ATP8B3: variants seen among roughly 807,000 people sequenced by gnomAD.
ATP8B3 encodes the protein ATPase phospholipid transporting 8B3, also known as phospholipid-transporting ATPase IK.
ATP8B3 carries 141 observed loss-of-function variants against 140.9 expected under a neutral mutation model. The ratio of observed to expected loss-of-function variants is 1.00; its 90% CI spans 0.87 to 1.15. The LOEUF (loss-of-function observed/expected upper bound fraction) is 1.15, where lower values mean the gene tolerates loss of function less well. Among genes scored for constraint, ATP8B3 ranks in the 50% most tolerant of loss-of-function variants. The pLI is 0.00. For synonymous variants in ATP8B3, 765 were observed against 714.6 expected (o/e 1.07, Z -1.13); for missense variants, 1,874 against 1,740.6 (o/e 1.08, Z -1.36).
At position 1,806,350 on chromosome 19, in the gene ATP8B3, C is replaced by T; in HGVS notation, c.678-181G>A. 6 of 1,459,230 alleles carry T rather than the reference C, an allele frequency of 4.1e-6. No individual in the cohort carries two copies. Among genetic ancestry groups the T allele is most frequent in the Non-Finnish European group, 5.4e-6 (6 of 1,111,944 alleles). 90.4% of individuals were successfully genotyped at this position (1,459,230 alleles called of 1,614,324 possible). On this transcript the variant is annotated intron_variant, in intron 7 of 28. Coordinates refer to ENST00000310127, the MANE Select transcript of ATP8B3 (RefSeq NM_138813.4). The surrounding 1 kb of genome is among the most constrained non-coding windows in gnomAD (Gnocchi z 5.6). ...CTCCCCGCGGGTCCACGCTCCCACC[C>T]AGTGACCTCCAGGGTCCTGCACCCA...
chr19:1,799,806 C>G, intron 14 of ATP8B3, 141 bp downstream of exon 14: 2 of 890,448 alleles, frequency 2.2e-6, no homozygotes, highest in Non-Finnish European at 3.4e-6. Context: ...CAAAGGAAAC[C>G]AGGCCATCTG....
chr19:1,804,524 C>T lies in ATP8B3; in HGVS notation c.904+850G>A, dbSNP rs374868396. Among the ~76,000 whole-genome samples the T allele has an allele frequency of 8.5e-5, 13 of 152,118 alleles. No homozygotes were observed. The East Asian group carries it at 1.7e-3, about 20-fold the overall frequency. The stretch of plus-strand genomic sequence containing the variant: ...TCGGAAGGCTGAGGCAGGAGAATGG[C>T]GTGAACCCAGGAGGCGGAGCTTGCA... On this transcript the variant is annotated intron_variant, in intron 10 of 28. Coordinates refer to ENST00000310127, the MANE Select transcript of ATP8B3 (RefSeq NM_138813.4).
rs540778447 is a variant in ATP8B3, at chr19:1,803,351, C to G, written c.905-706G>C. On this transcript the variant is annotated intron_variant, in intron 10 of 28. Transcript: ENST00000310127. ...CGTCTTAGGGATGGGGACCCTGACT[C>G]CATCCTGGATGCAGGAATTGGAGAC... 1.8e-3 allele frequency among the ~76,000 whole-genome samples: 267 copies of G among 152,356 alleles called. 1 individual carries two copies. The highest frequency in any genetic ancestry group is 7.5e-3 in the South Asian group (36 of 4,832).
intron 26 of ATP8B3, 74 bp from the exon 27 acceptor site, chr19:1,785,371 G>A: frequency 6.4e-7 from 1 of 1,552,762 alleles, no homozygotes; most frequent in Non-Finnish European, 8.7e-7. Flanking sequence ...TGGGGTCCAG[G>A]AAGGGCACCT....
Position 1,800,362 on chromosome 19 carries a change from G to C in ATP8B3, c.1240C>G (p.Leu414Val). ...VKEFKDHHYY[L>V]SGVHGSSVAA... ...ACGCTGCTCCCATGCACCCCCGAGA[G>C]GTAGTAGTGGTGGTCTTTGAATTCT... The change falls in exon 13 of 29, where the codon CTC becomes GTC. Residue 414 changes from leucine (L) to valine (V), a missense_variant. By Grantham distance (32) the Leu-to-Val change is conservative. Transcript: ENST00000310127. The surrounding 1 kb of genome is among the most constrained non-coding windows in gnomAD (Gnocchi z 4.4). The C allele has an allele frequency of 6.2e-7, 1 of 1,612,978 alleles. No individual in the cohort carries two copies. The highest frequency in any genetic ancestry group is 8.5e-7 in the Non-Finnish European group (1 of 1,179,856).
At chr19:1,798,582 C>A (rs2068750665) in intron 14 of ATP8B3, among the ~76,000 whole-genome samples, 1 of 151,616 alleles carries the variant, frequency 6.6e-6, no homozygotes, top group Non-Finnish European at 1.5e-5. Flanking sequence ...ATTAAAAATA[C>A]AAAAAATTAG....
intron 14 of ATP8B3, among the ~76,000 whole-genome samples, chr19:1,797,959 C>A (rs993342319): frequency 6.6e-6 from 1 of 151,746 alleles, no homozygotes; most frequent in Admixed American, 6.6e-5. Flanking sequence ...TGCATGCCAC[C>A]CCTTTGTGGT....
intron 18 of ATP8B3, among the ~76,000 whole-genome samples, chr19:1,792,447 G>A (rs949712843): frequency 2.6e-5 from 4 of 151,910 alleles, no homozygotes; most frequent in Non-Finnish European, 4.4e-5. Flanking sequence ...AGGCATGGTG[G>A]TGGGTGCCTG....
At position 1,785,713 on chromosome 19, in the gene ATP8B3, G is replaced by C. The variant is rs200978544; in HGVS notation, c.3154-5C>G. The C allele has an allele frequency of 8.9e-6, 13 of 1,463,656 alleles. No individual in the cohort carries two copies. The highest frequency in any genetic ancestry group is 1.8e-4 in the Middle Eastern group (1 of 5,530). 90.7% of individuals were successfully genotyped at this position (1,463,656 alleles called of 1,614,324 possible). On this transcript the variant is annotated splice_polypyrimidine_tract_variant and splice_region_variant and intron_variant, in intron 25 of 28. Transcript: ENST00000310127. ...GCTCTGCTCTGCGCTCACGTCCTTG[G>C]GGCAAGCAGAAGCTCTTGGGATTGG...
Position 1,806,590 on chromosome 19 carries a change from G to A in ATP8B3, c.677+38C>T, listed in dbSNP as rs1038367584. ...ATGACCCTGCTGGGCTGGAGCCCCC[G>A]TGTCCCCGCGGATCCCCAGCTGCAG... is the stretch of plus-strand genomic sequence containing the variant. On this transcript the variant is annotated intron_variant, in intron 7 of 28. Coordinates refer to ENST00000310127, the MANE Select transcript of ATP8B3 (RefSeq NM_138813.4). The surrounding 1 kb of genome is among the most constrained non-coding windows in gnomAD (Gnocchi z 5.6). The A allele has an allele frequency of 6.5e-6, 10 of 1,549,894 alleles. No homozygotes were observed. Among genetic ancestry groups the A allele is most frequent in the African/African-American group, 2.7e-5 (2 of 72,960 alleles).
intron 22 of ATP8B3, 34 bp from the exon 23 acceptor site, chr19:1,789,761 G>T (rs1415430115): frequency 5.8e-6 from 9 of 1,539,318 alleles, no homozygotes; most frequent in Non-Finnish European, 7.8e-6. Context: ...GCCAGGCGCC[G>T]TGGCCTCCAG....
At position 1,806,257 on chromosome 19, in the gene ATP8B3, C is replaced by T; in HGVS notation, c.678-88G>A. 1 of 1,528,240 alleles carries T rather than the reference C, an allele frequency of 6.5e-7. No individual in the cohort carries two copies. The highest frequency in any genetic ancestry group is 1.2e-5 in the South Asian group (1 of 82,150). 94.7% of individuals were successfully genotyped at this position (1,528,240 alleles called of 1,614,324 possible). On this transcript the variant is annotated intron_variant, in intron 7 of 28. Coordinates refer to ENST00000310127, the MANE Select transcript of ATP8B3 (RefSeq NM_138813.4). The surrounding 1 kb of genome is among the most constrained non-coding windows in gnomAD (Gnocchi z 5.6). ...ACCAGAGGCACGGGATGACGGGGGG[C>T]CCGCAGCTGCAGTCCCCACCTCCGG...
At chr19:1,808,037 C>T (rs2069080113) in intron 5 of ATP8B3, among the ~76,000 whole-genome samples, 185 bp downstream of exon 5, 1 of 152,238 alleles carries the variant, frequency 6.6e-6, no homozygotes, top group South Asian at 2.1e-4. Context: ...CATCCATCCA[C>T]CTTTGTCATT....
rs143564708 is a variant in ATP8B3, at chr19:1,811,653, C to T, written c.84G>A (p.Thr28=). Residue 28 remains threonine, a synonymous_variant, in exon 2 of 29, where the codon ACG becomes ACA. Coordinates refer to ENST00000310127, the MANE Select transcript of ATP8B3 (RefSeq NM_138813.4). ...CTTCCTGAGTCACGTCTGAGTCACC[C>T]GTGTCCCCAGGTCCTGGTGGGGCAG... ...PSPAPPGPGD[T]GDSDVTQEGS... The T allele has an allele frequency of 1.3e-3, 2,038 of 1,610,902 alleles. 23 individuals carry two copies. In the African/African-American group the frequency reaches 0.024, roughly 19 times the overall value.
intron 12 of ATP8B3, among the ~76,000 whole-genome samples, chr19:1,801,179 T>G (rs113865260): frequency 0.044 from 6,657 of 150,916 alleles, 476 homozygotes; most frequent in African/African-American, 0.15. Context: ...TGAGACAGAG[T>G]CTTGCTCAGT....
chr19:1,796,352 G>A (rs1022630161), intron 16 of ATP8B3, 87 bp from the exon 17 acceptor site: 1 of 1,255,862 alleles, frequency 8.0e-7, no homozygotes, highest in Non-Finnish European at 1.1e-6. Context: ...TATCGCCTGG[G>A]CTACACCTTT....
In ATP8B3 at chr19:1,799,609, T is replaced by C. The variant is rs996816608; in HGVS notation, c.1552+338A>G. 3 of 504,522 alleles carry C rather than the reference T, an allele frequency of 5.9e-6. No homozygotes were observed. The Admixed American group carries it at 1.1e-4, about 19-fold the overall frequency. 31.3% of individuals were successfully genotyped at this position (504,522 alleles called of 1,614,324 possible). On this transcript the variant is annotated intron_variant, in intron 14 of 28. Transcript: ENST00000310127. Reference sequence around the variant, plus strand: ...GGTGAAACCCCATCTCTGCTAAAAATACAAAAAAATTAGGTGTGGTGGCAG... The same window carrying C: ...GGTGAAACCCCATCTCTGCTAAAAACACAAAAAAATTAGGTGTGGTGGCAG...
At position 1,802,521 on chromosome 19, in the gene ATP8B3, G is replaced by A. The variant is rs957639654; in HGVS notation, c.1029C>T (p.Asn343=). Residue 343 remains asparagine, a synonymous_variant, in exon 11 of 29, where the codon AAC becomes AAT. Coordinates refer to ENST00000310127, the MANE Select transcript of ATP8B3 (RefSeq NM_138813.4). The part of the protein sequence containing the change: ...NLLLRGCRIR[N]TDTCYGLVIY... ...TGACCAGTCCATAGCAGGTGTCTGT[G>A]TTGCGAATCCTGCAGCCTCGGAGGA... The A allele has an allele frequency of 1.2e-6, 2 of 1,605,116 alleles. No homozygotes were observed. Among genetic ancestry groups the A allele is most frequent in the East Asian group, 2.2e-5 (1 of 44,530 alleles).
intron 11 of ATP8B3, 81 bp downstream of exon 11, chr19:1,802,406 T>TGGGC: frequency 7.1e-6 from 3 of 421,058 alleles, no homozygotes; most frequent in Non-Finnish European, 1.3e-5. Flanking sequence ...TCCACCCACC[T>TGGGC]ACCCACCCAC....
Sources: allele counts gnomAD v4.1 joint callset (sites outside exome capture counted in the v4.1 genomes callset), GRCh38; gene constraint gnomAD v4.1.1; non-coding constraint Gnocchi (gnomAD v3.1); transcripts MANE v1.5; gene names NCBI Gene and HGNC (gene_info 2026-07-23, HGNC 2026-07-21).